Variants in FAM184A observed in about 807,000 individuals in gnomAD.
FAM184A encodes the protein family with sequence similarity 184 member A, also known as protein FAM184A.
In FAM184A, 99 loss-of-function variants were observed where a neutral mutation model predicts 143.8. The observed-to-expected ratio is 0.69, with a 90% CI of 0.58 to 0.81. The LOEUF (loss-of-function observed/expected upper bound fraction) is 0.81. FAM184A is among the 40% of genes least tolerant of loss of function. The probability of loss-of-function intolerance (pLI) is 0.00; values close to 1 mark genes in which losing one functional copy is unlikely to be tolerated. For missense variants in FAM184A, 1,217 were observed against 1,310.5 expected (o/e 0.93, Z 1.10); for synonymous variants, 427 against 446.4 (o/e 0.96, Z 0.55).
intron 1 of FAM184A, among the ~76,000 whole-genome samples, chr6:119,027,960 T>C (rs1785723198): frequency 6.6e-6 from 1 of 152,238 alleles, no homozygotes; most frequent in African/African-American, 2.4e-5. Flanking sequence ...CGAAGAGTTC[T>C]GAATCTACCT....
chr6:119,048,351 T>C (rs4343954), intron 1 of FAM184A, among the ~76,000 whole-genome samples: 2 of 152,172 alleles, frequency 1.3e-5, no homozygotes, highest in South Asian at 4.1e-4. Context: ...ACCACTCTTA[T>C]TCAACACAGA....
At chr6:119,030,878 T>C (rs1785844241) in intron 1 of FAM184A, among the ~76,000 whole-genome samples, 1 of 152,118 alleles carries the variant, frequency 6.6e-6, no homozygotes, top group South Asian at 2.1e-4. Context: ...TGGAATAGTA[T>C]AGGAATCATT....
chr6:119,044,494 G>C (rs1048692545), intron 1 of FAM184A, among the ~76,000 whole-genome samples: 1 of 151,844 alleles, frequency 6.6e-6, no homozygotes, highest in African/African-American at 2.4e-5. Flanking sequence ...GAGGTGGCCA[G>C]ATTGCTTTAG....
At chr6:119,102,114 T>C (rs773848417) in intron 1 of FAM184A, among the ~76,000 whole-genome samples, 2 of 152,012 alleles carry the variant, frequency 1.3e-5, no homozygotes, top group Non-Finnish European at 2.9e-5. Context: ...AGAGTAATGC[T>C]AGGAAGAAAC....
chr6:119,078,245 T>C lies in FAM184A; in HGVS notation c.55A>G (p.Lys19Glu). 2.0e-6 allele frequency: 3 copies of C among 1,525,466 alleles called. No individual in the cohort carries two copies. Among genetic ancestry groups the C allele is most frequent in the Non-Finnish European group, 2.6e-6 (3 of 1,140,210 alleles). 94.5% of individuals were successfully genotyped at this position (1,525,466 alleles called of 1,614,324 possible). The change falls in exon 1 of 18, where the codon AAA becomes GAA. Residue 19 changes from lysine (K) to glutamate (E), a missense_variant. Transcript: ENST00000338891. This position sits in a 1 kb window ranked among gnomAD's most constrained non-coding sequence, Gnocchi z 5.5. ...QQHYYGGSAA[K>E]FAPSPATAQL... ...GCGGTGGCCGGCGAGGGCGCGAATT[T>C]GGCCGCCGAGCCGCCGTAATAGTGC...
chr6:119,083,445 T>G (rs1331240157), upstream of FAM184A, among the ~76,000 whole-genome samples: 1 of 152,208 alleles, frequency 6.6e-6, no homozygotes, highest in African/African-American at 2.4e-5. Flanking sequence ...GCTTCCCTTT[T>G]AAATAGAAGT....
intron 4 of FAM184A, among the ~76,000 whole-genome samples, chr6:119,017,872 G>A (rs1195851430): frequency 6.6e-6 from 1 of 152,098 alleles, no homozygotes; most frequent in Non-Finnish European, 1.5e-5. Flanking sequence ...GAGTTTATGT[G>A]AGATCTGGTT....
intron 1 of FAM184A, among the ~76,000 whole-genome samples, chr6:119,102,088 T>G (rs972920270): frequency 3.9e-5 from 6 of 151,922 alleles, no homozygotes; most frequent in Non-Finnish European, 7.4e-5. Flanking sequence ...ATAAAGTATA[T>G]AAATGCATCA....
chr6:119,014,993 A>G (rs1392196808), intron 5 of FAM184A, among the ~76,000 whole-genome samples: 4 of 151,624 alleles, frequency 2.6e-5, no homozygotes, highest in Non-Finnish European at 5.9e-5. Flanking sequence ...TGGGAGGTGG[A>G]GGTTGCAATG....
At chr6:119,104,714 T>C (rs1788732375) in intron 1 of FAM184A, among the ~76,000 whole-genome samples, 1 of 152,188 alleles carries the variant, frequency 6.6e-6, no homozygotes, top group Non-Finnish European at 1.5e-5. Flanking sequence ...AAATGGCTCT[T>C]CACTCCTTAA....
At chr6:119,145,931 T>G (rs1772411286) in intron 1 of FAM184A, among the ~76,000 whole-genome samples, 2 of 152,186 alleles carry the variant, frequency 1.3e-5, no homozygotes, top group African/African-American at 4.8e-5. Context: ...TTGCACATGA[T>G]TTTACAGCTA....
At chr6:119,051,857 G>A (rs1160891181) in intron 1 of FAM184A, among the ~76,000 whole-genome samples, 1 of 152,308 alleles carries the variant, frequency 6.6e-6, no homozygotes, top group East Asian at 1.9e-4. Flanking sequence ...AGGTAAGACT[G>A]GAAGATTATT....
At chr6:119,144,445 C>T (rs1173759363) in intron 1 of FAM184A, among the ~76,000 whole-genome samples, 1 of 152,116 alleles carries the variant, frequency 6.6e-6, no homozygotes. Flanking sequence ...GGCCTGGAAG[C>T]CGACAGCTCT....
At chr6:119,096,996 TG>T (rs1252135472) in intron 1 of FAM184A, among the ~76,000 whole-genome samples, 2 of 152,124 alleles carry the variant, frequency 1.3e-5, no homozygotes, top group African/African-American at 4.8e-5. Flanking sequence ...GTTACCCTGG[TG>T]ATGAGAAATG....
chr6:119,102,513 C>CA (rs770135993), intron 1 of FAM184A, among the ~76,000 whole-genome samples: 23 of 151,964 alleles, frequency 1.5e-4, no homozygotes, highest in Non-Finnish European at 3.1e-4. Flanking sequence ...ATAGGCTGGG[C>CA]ACAGTGGCTC....
At chr6:119,058,245 G>A (rs531687070) in intron 1 of FAM184A, among the ~76,000 whole-genome samples, 14 of 141,204 alleles carry the variant, frequency 9.9e-5, no homozygotes, top group African/African-American at 2.4e-4. Flanking sequence ...GAGCAGTGGC[G>A]TGATCTTGGC....
intron 1 of FAM184A, among the ~76,000 whole-genome samples, chr6:119,136,004 C>T (rs180857787): frequency 1.2e-4 from 18 of 150,582 alleles, no homozygotes; most frequent in African/African-American, 3.6e-4. Context: ...CCAGGCCGGG[C>T]GCGGTGGCTC....
chr6:119,108,917 G>T lies in FAM184A; in HGVS notation c.-202+40161C>A, dbSNP rs1788859563. 2.0e-5 allele frequency among the ~76,000 whole-genome samples: 3 copies of T among 152,124 alleles called. No homozygotes were observed. The South Asian group carries it at 6.2e-4, about 31-fold the overall frequency. On this transcript the variant is annotated intron_variant, in intron 1 of 16. Transcript: ENST00000352896. ...TCCTAGCTTTTGAGGGCATCTATGAGTTGACTCAATACTACAAACCTAAAT... is the reference window on the plus strand; with the variant it reads ...TCCTAGCTTTTGAGGGCATCTATGATTTGACTCAATACTACAAACCTAAAT...
At chr6:119,034,042 AGAG>A (rs1786015416) in intron 1 of FAM184A, among the ~76,000 whole-genome samples, 1 of 19,880 alleles carries the variant, frequency 5.0e-5, no homozygotes, top group Non-Finnish European at 9.1e-5. Context: ...ATATATATAT[AGAG>A]AGAGAGAGAG....
Sources: allele counts gnomAD v4.1 joint callset (sites outside exome capture counted in the v4.1 genomes callset), GRCh38; gene constraint gnomAD v4.1.1; non-coding constraint Gnocchi (gnomAD v3.1); transcripts MANE v1.5; gene names NCBI Gene and HGNC (gene_info 2026-07-23, HGNC 2026-07-21).